Variants in KCND3 observed in about 807,000 individuals in gnomAD.
KCND3 encodes potassium voltage-gated channel subfamily D member 3.
Under a neutral mutation model 51.1 loss-of-function variants are expected in KCND3, and 9 were observed. The ratio of observed to expected loss-of-function variants is 0.18; its 90% CI spans 0.11 to 0.31. The LOEUF is 0.31. Ranked by LOEUF, KCND3 falls within the 10% of genes least tolerant of loss-of-function variation. KCND3 has a pLI of 1.00. For missense variants in KCND3, 526 were observed against 903.8 expected, an observed-to-expected ratio of 0.58 and a Z score of 5.36; for synonymous variants, 349 against 368.0, an observed-to-expected ratio of 0.95 and a Z score of 0.59.
At chr1:111,877,597 G>A (rs1280141873) in intron 2 of KCND3, among the ~76,000 whole-genome samples, 4 of 152,146 alleles carry the variant, frequency 2.6e-5, no homozygotes, top group East Asian at 1.9e-4. Flanking sequence ...GTTCTATCTC[G>A]TGCCACAAGG....
chr1:111,927,236 A>G (rs1460882732), intron 2 of KCND3, among the ~76,000 whole-genome samples: 1 of 152,178 alleles, frequency 6.6e-6, no homozygotes, highest in Non-Finnish European at 1.5e-5. Context: ...AGTGGGGGCT[A>G]TGGGGTGCCC....
At chr1:111,943,427 T>G (rs1486310643) in intron 2 of KCND3, among the ~76,000 whole-genome samples, 1 of 152,144 alleles carries the variant, frequency 6.6e-6, no homozygotes, top group African/African-American at 2.4e-5. Flanking sequence ...GGAGGAAACT[T>G]AAGACACTGG....
chr1:111,960,227 A>G (rs1673572713), intron 2 of KCND3, among the ~76,000 whole-genome samples: 1 of 152,018 alleles, frequency 6.6e-6, no homozygotes, highest in Non-Finnish European at 1.5e-5. Context: ...TCCATACCCA[A>G]TGTTGGGATC....
intron 2 of KCND3, among the ~76,000 whole-genome samples, chr1:111,872,006 G>A (rs1668847940): frequency 6.6e-6 from 1 of 152,170 alleles, no homozygotes; most frequent in South Asian, 2.1e-4. Flanking sequence ...AAGTTCCGTG[G>A]AGCAGCGAAG....
intron 2 of KCND3, among the ~76,000 whole-genome samples, chr1:111,958,338 G>A (rs536873681): frequency 1.3e-5 from 2 of 152,142 alleles, no homozygotes; most frequent in Non-Finnish European, 2.9e-5. Flanking sequence ...ACCCTGAGCT[G>A]CAGCCAAGGT....
chr1:111,860,536 C>T (rs990241513), intron 2 of KCND3, among the ~76,000 whole-genome samples: 9 of 152,118 alleles, frequency 5.9e-5, no homozygotes, highest in African/African-American at 2.2e-4. Flanking sequence ...CTCAGTCCCC[C>T]ACCCCCCCAA....
At chr1:111,849,729 A>G (rs1179026918) in intron 2 of KCND3, among the ~76,000 whole-genome samples, 1 of 152,152 alleles carries the variant, frequency 6.6e-6, no homozygotes, top group African/African-American at 2.4e-5. Flanking sequence ...CAAAGATGCC[A>G]TTTAGCTTGT....
chr1:111,918,065 T>G (rs891956849), intron 2 of KCND3, among the ~76,000 whole-genome samples: 15 of 152,188 alleles, frequency 9.9e-5, no homozygotes, highest in African/African-American at 2.9e-4. Flanking sequence ...GACTAAAACT[T>G]AAAATACCCA....
At chr1:111,955,583 G>A (rs1316047448) in intron 2 of KCND3, among the ~76,000 whole-genome samples, 3 of 152,124 alleles carry the variant, frequency 2.0e-5, no homozygotes, top group South Asian at 2.1e-4. Context: ...CGTCTCCCTC[G>A]CTGGGCCCTC....
chr1:111,815,046 G>A (rs1666023169), intron 2 of KCND3, among the ~76,000 whole-genome samples: 1 of 152,236 alleles, frequency 6.6e-6, no homozygotes, highest in Non-Finnish European at 1.5e-5. Context: ...TCCTGCCTCA[G>A]AGAGGAACAA....
chr1:111,788,496 G>GTGAA (rs370279010), intron 2 of KCND3, among the ~76,000 whole-genome samples: 2 of 152,194 alleles, frequency 1.3e-5, no homozygotes, highest in South Asian at 2.1e-4. Context: ...CAGGTATTCG[G>GTGAA]TGAATGAATG....
At chr1:111,881,533 C>T (rs1669320069) in intron 2 of KCND3, among the ~76,000 whole-genome samples, 2 of 152,212 alleles carry the variant, frequency 1.3e-5, no homozygotes, top group African/African-American at 2.4e-5. Context: ...TTGCTTCTGG[C>T]TACTGCGTGT....
intron 2 of KCND3, among the ~76,000 whole-genome samples, chr1:111,918,846 C>T (rs922109156): frequency 1.3e-5 from 2 of 152,014 alleles, no homozygotes; most frequent in African/African-American, 4.8e-5. Context: ...TTTTTCTGTG[C>T]ATGGGTTATA....
Position 111,865,286 on chromosome 1 carries a change from T to C in KCND3, c.1107-78180A>G, listed in dbSNP as rs547194330. 5.9e-5 allele frequency among the ~76,000 whole-genome samples: 9 copies of C among 152,396 alleles called. No individual in the cohort carries two copies. In the East Asian group the frequency reaches 1.5e-3, roughly 26 times the overall value. On this transcript the variant is annotated intron_variant, in intron 2 of 7. Transcript: ENST00000302127. Reference sequence around the variant, plus strand: ...GAATTCACAGAACGGCCACAGGTCTTGCCTTCGGCTATTGAAGCCAAACTA... The same window carrying C: ...GAATTCACAGAACGGCCACAGGTCTCGCCTTCGGCTATTGAAGCCAAACTA...
chr1:111,985,302 T>C (rs1675211764), intron 1 of KCND3, among the ~76,000 whole-genome samples: 1 of 152,086 alleles, frequency 6.6e-6, no homozygotes, highest in Non-Finnish European at 1.5e-5. Flanking sequence ...CTGTAGGCCA[T>C]GTTTTGCCCA....
intron 2 of KCND3, among the ~76,000 whole-genome samples, chr1:111,925,010 C>T (rs1361400979): frequency 6.6e-6 from 1 of 152,202 alleles, no homozygotes; most frequent in Non-Finnish European, 1.5e-5. Context: ...CCCGACCTAT[C>T]CAGGGACTAG....
At chr1:111,932,184 T>A (rs1672006808) in intron 2 of KCND3, among the ~76,000 whole-genome samples, 1 of 152,182 alleles carries the variant, frequency 6.6e-6, no homozygotes, top group Non-Finnish European at 1.5e-5. Context: ...AAACTCTCCC[T>A]TTCTTAAGGT....
chr1:111,971,757 C>A (rs993468556), intron 2 of KCND3, among the ~76,000 whole-genome samples: 2 of 152,188 alleles, frequency 1.3e-5, no homozygotes, highest in Non-Finnish European at 2.9e-5. Context: ...GACCTCCTGA[C>A]AACCTGTTCC....
rs1464683405 is a variant in KCND3 at position 111,775,774 on chromosome 1, A to G, written c.*303T>C. On this transcript the variant is annotated 3_prime_UTR_variant, in exon 8 of 8. Transcript: ENST00000302127. ...GTCTGAGTCTGAGGCTCCTCCATCC[A>G]GGCCCTGTCCTGGCACATAGCCTAT... 4.3e-6 allele frequency: 2 copies of G among 460,348 alleles called. No individual in the cohort carries two copies. Among genetic ancestry groups the G allele is most frequent in the Non-Finnish European group, 8.1e-6 (2 of 248,394 alleles). 28.5% of individuals were successfully genotyped at this position (460,348 alleles called of 1,614,324 possible).
Sources: allele counts gnomAD v4.1 joint callset (sites outside exome capture counted in the v4.1 genomes callset), GRCh38; gene constraint gnomAD v4.1.1; transcripts MANE v1.5; gene names NCBI Gene and HGNC (gene_info 2026-07-23, HGNC 2026-07-21).